GPSM2: variants seen among roughly 807,000 people sequenced by gnomAD.
GPSM2 encodes G protein-signaling modulator 2.
A neutral mutation model predicts 78.4 loss-of-function variants in GPSM2; 58 were observed. That is an observed-to-expected ratio of 0.74 (90% confidence interval 0.60 to 0.92). The LOEUF (loss-of-function observed/expected upper bound fraction) is 0.92, where lower values mean the gene tolerates loss of function less well. GPSM2 is among the 40% of genes least tolerant of loss of function. The probability of loss-of-function intolerance (pLI) is 0.00; values close to 1 mark genes in which losing one functional copy is unlikely to be tolerated. For missense variants in GPSM2, 700 were observed against 815.5 expected (o/e 0.86, Z 1.73); for synonymous variants, 224 against 280.2 (o/e 0.80, Z 2.00).
intron 7 of GPSM2, 85 bp from the exon 8 acceptor site, chr1:108,901,705 A>C (rs1256916954): frequency 1.0e-6 from 1 of 980,634 alleles, no homozygotes; most frequent in Non-Finnish European, 1.7e-6. Flanking sequence ...AAAGCAGCAG[A>C]GAGGAAAAAT....
chr1:108,877,339 G>A (rs1173247074), intron 1 of GPSM2, 111 bp downstream of exon 1: 1 of 152,290 alleles, frequency 6.6e-6, no homozygotes, highest in Non-Finnish European at 1.5e-5. Context: ...AGAGGTCTGG[G>A]GGTGACGTCC....
intron 12 of GPSM2, among the ~76,000 whole-genome samples, chr1:108,921,416 CAAA>C (rs11312751): frequency 0.35 from 51,831 of 147,258 alleles, 10,224 homozygotes; most frequent in African/African-American, 0.54. Context: ...CGAGACTCCT[CAAA>C]AAAAAAAAAA....
At chr1:108,893,189 T>C (rs1030640445) in intron 2 of GPSM2, among the ~76,000 whole-genome samples, 1 of 152,388 alleles carries the variant, frequency 6.6e-6, no homozygotes, top group East Asian at 1.9e-4. Context: ...CAGTCATTTG[T>C]GGTGAAGTTA....
Position 108,901,915 on chromosome 1 carries a change from A to G in GPSM2, c.923A>G (p.His308Arg). Residue 308 changes from histidine to arginine, a missense_variant, in exon 8 of 15, where the codon CAC becomes CGC. His to Arg is a conservative substitution (Grantham distance 29, BLOSUM62 0). Coordinates refer to ENST00000264126, the MANE Select transcript of GPSM2 (RefSeq NM_013296.5). ...YEKAIDYHLK[H>R]LAIAQELNDR... ...AAGGCCATTGATTATCATCTGAAGC[A>G]CTTAGCAATTGCTCAAGAGCTGAAT... 1 of 1,611,864 alleles carries G rather than the reference A, an allele frequency of 6.2e-7. No individual in the cohort carries two copies. The highest frequency in any genetic ancestry group is 8.5e-7 in the Non-Finnish European group (1 of 1,177,928).
chr1:108,923,879 A>G (rs1010405307), intron 13 of GPSM2, 121 bp from the exon 14 acceptor site: 2 of 730,950 alleles, frequency 2.7e-6, no homozygotes, highest in Non-Finnish European at 2.5e-6. Context: ...GCAGGAGGGC[A>G]GGGCGGGTCT....
chr1:108,912,293 G>A lies in GPSM2; in HGVS notation c.1193-2045G>A, dbSNP rs149719328. On this transcript the variant is annotated intron_variant, in intron 10 of 14. Coordinates refer to ENST00000264126, the MANE Select transcript of GPSM2 (RefSeq NM_013296.5). Reference sequence around the variant, plus strand: ...AAAAGTGCTTTCTTTACAGATATAAGTAATAAGACAGTGTGCTGTTGGCAT... The same window carrying A: ...AAAAGTGCTTTCTTTACAGATATAAATAATAAGACAGTGTGCTGTTGGCAT... Among the ~76,000 whole-genome samples the A allele has an allele frequency of 3.5e-4, 54 of 152,236 alleles. 1 individual carries two copies. The East Asian group carries it at 8.1e-3, about 23-fold the overall frequency.
intron 1 of GPSM2, among the ~76,000 whole-genome samples, chr1:108,881,380 C>T (rs1665892837): frequency 6.6e-6 from 1 of 152,124 alleles, no homozygotes; most frequent in Admixed American, 6.6e-5. Context: ...TCCAGTTCTT[C>T]GTCCTGTGAT....
intron 7 of GPSM2, 22 bp downstream of exon 7, chr1:108,899,016 A>G: frequency 7.7e-7 from 1 of 1,297,674 alleles, no homozygotes. Context: ...ATTTCTGTAG[A>G]TAAATGTAAA....
At chr1:108,927,496 G>A (rs914595972) in intron 14 of GPSM2, among the ~76,000 whole-genome samples, 1 of 152,110 alleles carries the variant, frequency 6.6e-6, no homozygotes, top group Admixed American at 6.6e-5. Context: ...TTGCATGTGT[G>A]GTCAAATAAT....
In GPSM2 at chr1:108,885,529, G is replaced by A; in HGVS notation, c.7G>A (p.Glu3Lys). 6.4e-7 allele frequency: 1 copy of A among 1,564,838 alleles called. No individual in the cohort carries two copies. The highest frequency in any genetic ancestry group is 1.1e-5 in the South Asian group (1 of 89,894). The change falls in exon 2 of 15, where the codon GAA becomes AAA. Residue 3 changes from glutamate (E) to lysine (K), a missense_variant. Coordinates refer to ENST00000264126, the MANE Select transcript of GPSM2 (RefSeq NM_013296.5). ME[E>K]NLISMREDHS... ...CAGCTTATAATATGACTCGATGGAG[G>A]AAAATTTGATAAGCATGAGAGAAGA...
chr1:108,918,801 C>A lies in GPSM2; in HGVS notation c.1440+12C>A. The A allele has an allele frequency of 6.3e-7, 1 of 1,596,658 alleles. No individual in the cohort carries two copies. The highest frequency in any genetic ancestry group is 8.6e-7 in the Non-Finnish European group (1 of 1,164,270). ...CAAATTCTCAGAGGGTACGTTTAAA[C>A]TAAGTTTTTGAGTATTGTGTTTTGA... On this transcript the variant is annotated intron_variant, in intron 12 of 14. Transcript: ENST00000264126.
chr1:108,879,828 G>A (rs1328540261), intron 1 of GPSM2, among the ~76,000 whole-genome samples: 1 of 152,016 alleles, frequency 6.6e-6, no homozygotes, highest in Non-Finnish European at 1.5e-5. Flanking sequence ...AAAAAAGGGG[G>A]GGCTGAATAT....
At chr1:108,899,621 G>A (rs1648640318) in intron 7 of GPSM2, among the ~76,000 whole-genome samples, 3 of 152,206 alleles carry the variant, frequency 2.0e-5, no homozygotes, top group African/African-American at 7.2e-5. Context: ...TTGAGACATA[G>A]ATGATAGAAA....
intron 1 of GPSM2, among the ~76,000 whole-genome samples, chr1:108,884,617 A>G (rs1265672250): frequency 6.6e-6 from 1 of 152,238 alleles, no homozygotes; most frequent in Non-Finnish European, 1.5e-5. Flanking sequence ...AAATCACCTT[A>G]GAGGGAAAAG....
rs1228419402 is a variant in GPSM2 at position 108,917,631 on chromosome 1, T to C, written c.1264-982T>C. 6.3e-3 allele frequency among the ~76,000 whole-genome samples: 114 copies of C among 18,076 alleles called. 6 individuals are homozygous for C. Among genetic ancestry groups the C allele is most frequent in the Middle Eastern group, 0.028 (1 of 36 alleles). 11.9% of individuals were successfully genotyped at this position (18,076 alleles called of 152,430 possible). A position where few individuals can be genotyped will look rare whatever the true frequency, so the allele number is the denominator to read the frequency against. Reference sequence around the variant, plus strand: ...ACACACATATATATATATATATATATATATATATATATATATATATATATA... The same window carrying C: ...ACACACATATATATATATATATATACATATATATATATATATATATATATA... On this transcript the variant is annotated intron_variant, in intron 11 of 14. Coordinates refer to ENST00000264126, the MANE Select transcript of GPSM2 (RefSeq NM_013296.5).
intron 14 of GPSM2, among the ~76,000 whole-genome samples, chr1:108,928,430 G>A (rs1472207061): frequency 6.6e-6 from 1 of 152,202 alleles, no homozygotes; most frequent in Non-Finnish European, 1.5e-5. Flanking sequence ...TTTATGACAG[G>A]AGAAATGAAT....
chr1:108,898,554 T>C, intron 5 of GPSM2, 88 bp from the exon 6 acceptor site: 1 of 1,267,796 alleles, frequency 7.9e-7, no homozygotes, highest in Admixed American at 1.8e-5. Flanking sequence ...CCTACATTTT[T>C]TTCTGATAAA....
At chr1:108,895,993 T>G (rs1184982374) in intron 2 of GPSM2, among the ~76,000 whole-genome samples, 1 of 152,148 alleles carries the variant, frequency 6.6e-6, no homozygotes, top group Non-Finnish European at 1.5e-5. Context: ...TAAAGGAAAT[T>G]TGCCAAATTA....
At chr1:108,897,246 T>C (rs1019916536) in intron 3 of GPSM2, among the ~76,000 whole-genome samples, 161 bp downstream of exon 3, 1 of 152,226 alleles carries the variant, frequency 6.6e-6, no homozygotes, top group Non-Finnish European at 1.5e-5. Flanking sequence ...CACAGTTTAA[T>C]TGAATGAATA....
Sources: allele counts gnomAD v4.1 joint callset (sites outside exome capture counted in the v4.1 genomes callset), GRCh38; gene constraint gnomAD v4.1.1; transcripts MANE v1.5; gene names NCBI Gene and HGNC (gene_info 2026-07-23, HGNC 2026-07-21).